ATAD3B: variants seen among roughly 807,000 people sequenced by gnomAD.
ATAD3B encodes ATPase family AAA domain-containing protein 3B.
In ATAD3B, 59 loss-of-function variants were observed where a neutral mutation model predicts 70.2. The observed-to-expected ratio is 0.84, with a 90% CI of 0.68 to 1.04. ATAD3B has a LOEUF of 1.04. Ranked by LOEUF, ATAD3B falls within the 50% of genes least tolerant of loss-of-function variation. ATAD3B has a pLI of 0.00. For synonymous variants in ATAD3B, 423 were observed against 388.6 expected (o/e 1.09, Z -1.04); for missense variants, 961 against 913.4 (o/e 1.05, Z -0.67).
In ATAD3B at chr1:1,497,106, C is replaced by G. The variant is rs537257553; in HGVS notation, c.*1289C>G. On this transcript the variant is annotated 3_prime_UTR_variant, in exon 16 of 16. Transcript: ENST00000673477. ...AAGAGGAGCCTGGGCACGCAACGGTCCCATCGGAGAGCAGACCCCTCGGAG... is the reference window on the plus strand; with the variant it reads ...AAGAGGAGCCTGGGCACGCAACGGTGCCATCGGAGAGCAGACCCCTCGGAG... 6.6e-6 allele frequency: 1 copy of G among 152,120 alleles called. No homozygotes were observed. The highest frequency in any genetic ancestry group is 2.1e-4 in the South Asian group (1 of 4,806). The allele number at this position is 152,120 out of a possible 1,614,324, so 9.4% of individuals were successfully genotyped here.
chr1:1,485,677 TG>T, intron 8 of ATAD3B, 104 bp from the exon 9 acceptor site: 1 of 1,532,270 alleles, frequency 6.5e-7, no homozygotes, highest in African/African-American at 1.4e-5. Flanking sequence ...GGCTGTGCTT[TG>T]GGGCAGCTCC....
intron 13 of ATAD3B, chr1:1,489,921 T>A (rs1640440065): frequency 8.1e-7 from 1 of 1,229,042 alleles, no homozygotes; most frequent in Non-Finnish European, 1.0e-6. Context: ...GGACTCTGGG[T>A]CCCGCATCCC....
At chr1:1,482,491 T>C (rs1246395490) in intron 6 of ATAD3B, 54 bp from the exon 7 acceptor site, 1 of 1,612,856 alleles carries the variant, frequency 6.2e-7, no homozygotes, top group East Asian at 2.2e-5. Context: ...CTGCTCTCGC[T>C]GCGTGGTACG....
At chr1:1,474,053 C>T (rs1283278873) in intron 1 of ATAD3B, among the ~76,000 whole-genome samples, 1 of 152,004 alleles carries the variant, frequency 6.6e-6, no homozygotes, top group Non-Finnish European at 1.5e-5. Flanking sequence ...ACCGACAGTG[C>T]GTGTTCTGTT....
At chr1:1,482,789 A>G in intron 7 of ATAD3B, 175 bp downstream of exon 7, 2 of 1,068,990 alleles carry the variant, frequency 1.9e-6, no homozygotes, top group Non-Finnish European at 2.7e-6. Context: ...TTGAGCTGGG[A>G]GAAAAAAATG....
At chr1:1,488,923 TG>T (rs1281267536) in intron 12 of ATAD3B, among the ~76,000 whole-genome samples, 5 of 151,856 alleles carry the variant, frequency 3.3e-5, no homozygotes, top group Non-Finnish European at 7.4e-5. Flanking sequence ...CCACCATGCA[TG>T]GCTAATTTTT....
rs1477996408 is a variant in ATAD3B, at chr1:1,497,198, C to T, written c.*1381C>T. On this transcript the variant is annotated 3_prime_UTR_variant, in exon 16 of 16. Transcript: ENST00000673477. ...CTCCATTTCTCTCTCTACCTCTGCTCGCTCTCTCCATTTCTCTCTTTTTCC... is the reference window on the plus strand; with the variant it reads ...CTCCATTTCTCTCTCTACCTCTGCTTGCTCTCTCCATTTCTCTCTTTTTCC... The T allele has an allele frequency of 2.6e-5, 4 of 151,308 alleles. No individual in the cohort carries two copies. Among genetic ancestry groups the T allele is most frequent in the South Asian group, 4.2e-4 (2 of 4,798 alleles). 9.4% of individuals were successfully genotyped at this position (151,308 alleles called of 1,614,324 possible).
chr1:1,486,190 C>A lies in ATAD3B; in HGVS notation c.1044C>A (p.Ile348=). ...AGAACCGGGGCCTGTACAGGCACAT[C>A]CTGCTGTATGGGCCACCAGGCACCG... ...TKKNRGLYRH[I]LLYGPPGTGK... Residue 348 remains isoleucine, a synonymous_variant, in exon 10 of 16, where the codon ATC becomes ATA. Transcript: ENST00000673477. 1 of 1,613,224 alleles carries A rather than the reference C, an allele frequency of 6.2e-7. No homozygotes were observed. Among genetic ancestry groups the A allele is most frequent in the Non-Finnish European group, 8.5e-7 (1 of 1,179,650 alleles).
chr1:1,474,607 C>T (rs1244201254), intron 1 of ATAD3B, among the ~76,000 whole-genome samples: 6 of 152,016 alleles, frequency 3.9e-5, no homozygotes, highest in Admixed American at 1.3e-4. Flanking sequence ...TCAAGCGATT[C>T]TCCTGCCTCA....
chr1:1,473,034 A>G lies in ATAD3B; in HGVS notation c.205+945A>G, dbSNP rs868184817. ...AGAGACGGGTTTCACCATGTTGGCC[A>G]GGGTGCTCTCCAACTCCTGACCTCG... On this transcript the variant is annotated intron_variant, in intron 1 of 15. Coordinates refer to ENST00000673477, the MANE Select transcript of ATAD3B (RefSeq NM_031921.6). Among the ~76,000 whole-genome samples, 3 of 149,882 alleles carry G rather than the reference A, an allele frequency of 2.0e-5. 1 individual carries two copies.
chr1:1,479,567 AACACAGGCACACATACCCCTGC>A (rs1414717677), intron 4 of ATAD3B, among the ~76,000 whole-genome samples: 10 of 135,670 alleles, frequency 7.4e-5, no homozygotes, highest in African/African-American at 2.6e-4. Flanking sequence ...ACCCCGCCAC[AACACAGGCACACATACCCCTGC>A]ACACAGGCCT....
At chr1:1,488,536 G>A (rs987996413) in intron 12 of ATAD3B, among the ~76,000 whole-genome samples, 1 of 152,076 alleles carries the variant, frequency 6.6e-6, no homozygotes, top group Non-Finnish European at 1.5e-5. Flanking sequence ...CAAGGCAGGT[G>A]GATGACGAGG....
In ATAD3B at chr1:1,482,282, A is replaced by G. The variant is rs143114169; in HGVS notation, c.659A>G (p.Gln220Arg). 5.1e-4 allele frequency: 820 copies of G among 1,609,268 alleles called. 25 individuals are homozygous for G. In the African/African-American group the frequency reaches 9.7e-3, roughly 19 times the overall value. ...CGCCTGAAGGCGTCCGAGCACCGTC[A>G]GACCGTCTTGGAGTCCATCAGGTGA... is the stretch of plus-strand genomic sequence containing the variant. ...QIRLKASEHR[Q>R]TVLESIRTAG... The change falls in exon 6 of 16, where the codon CAG becomes CGG. Residue 220 changes from glutamine to arginine, a missense_variant. By Grantham distance (43) the Gln-to-Arg change is conservative. Around this residue, in one of 4 missense-constraint regions of ATAD3B, gnomAD observed 349 missense variants for 307.5 expected, o/e 1.14. Transcript: ENST00000673477.
intron 12 of ATAD3B, among the ~76,000 whole-genome samples, chr1:1,488,911 T>C (rs779671555): frequency 1.1e-4 from 17 of 151,914 alleles, no homozygotes; most frequent in Non-Finnish European, 2.1e-4. Context: ...ATTACAGGTG[T>C]GCCACCATGC....
the ATAD3B span, chr1:1,503,170 G>A: frequency 1.2e-5 from 2 of 164,266 alleles, no homozygotes; most frequent in Non-Finnish European, 2.7e-5. Flanking sequence ...CTTGCAATGA[G>A]CCGAGATAGC....
intron 13 of ATAD3B, chr1:1,489,489 T>C: frequency 9.7e-7 from 1 of 1,033,810 alleles, no homozygotes; most frequent in South Asian, 1.6e-5. Flanking sequence ...GGGTCAGTCC[T>C]GTCTTCACGG....
chr1:1,479,655 GCAGACACACC>G (rs1639796332), intron 4 of ATAD3B, among the ~76,000 whole-genome samples: 1 of 135,716 alleles, frequency 7.4e-6, no homozygotes, highest in Non-Finnish European at 1.6e-5. Flanking sequence ...ACACAGGTAT[GCAGACACACC>G]CAAACACACA....
At chr1:1,492,438 A>G (rs1446568236) in intron 15 of ATAD3B, among the ~76,000 whole-genome samples, 1 of 151,780 alleles carries the variant, frequency 6.6e-6, no homozygotes, top group African/African-American at 2.4e-5. Flanking sequence ...GTGAGCTGAG[A>G]TCATGCCACT....
At chr1:1,476,700 G>A (rs1418188630) in intron 1 of ATAD3B, among the ~76,000 whole-genome samples, 1 of 151,758 alleles carries the variant, frequency 6.6e-6, no homozygotes, top group East Asian at 1.9e-4. Context: ...AGTAGAGACG[G>A]GGTTTCACTG....
Sources: gnomAD v4.1 joint callset for allele counts (sites outside exome capture counted in the v4.1 genomes callset) on GRCh38, gnomAD v4.1.1 for gene constraint, gnomAD v4.1.1 regional missense constraint, MANE v1.5 for transcripts, NCBI Gene and HGNC (gene_info 2026-07-23, HGNC 2026-07-21) for gene names.